The following KMT2A variants were observed in gnomAD, a reference collection of about 807,000 sequenced individuals.
KMT2A encodes the protein histone-lysine N-methyltransferase 2A.
KMT2A carries 16 observed loss-of-function variants against 345.3 expected under a neutral mutation model. The observed-to-expected ratio is 0.05, with a 90% CI of 0.03 to 0.07. The LOEUF (loss-of-function observed/expected upper bound fraction) is 0.07, where lower values mean the gene tolerates loss of function less well. KMT2A is among the 10% of genes least tolerant of loss of function. The probability of loss-of-function intolerance (pLI) is 1.00; values close to 1 mark genes in which losing one functional copy is unlikely to be tolerated. For synonymous variants in KMT2A, 1,599 were observed against 1,778.6 expected, an observed-to-expected ratio of 0.90 and a Z score of 2.54; for missense variants, 3,272 against 4,841.6, an observed-to-expected ratio of 0.68 and a Z score of 9.62.
intron 1 of KMT2A, among the ~76,000 whole-genome samples, chr11:118,445,331 C>T (rs1247691275): frequency 6.6e-6 from 1 of 152,204 alleles, no homozygotes; most frequent in Admixed American, 6.5e-5. Flanking sequence ...CCGAGGAACA[C>T]AGTGCCTCCA....
intron 2 of KMT2A, among the ~76,000 whole-genome samples, chr11:118,470,693 A>G (rs1019014320): frequency 6.6e-6 from 1 of 152,324 alleles, no homozygotes; most frequent in East Asian, 1.9e-4. Flanking sequence ...CATTGTAAAA[A>G]TGTTCATCTC....
chr11:118,469,098 G>A (rs920703646), intron 2 of KMT2A, among the ~76,000 whole-genome samples: 35 of 151,738 alleles, frequency 2.3e-4, no homozygotes, highest in South Asian at 4.2e-4. Context: ...CCACTAACTC[G>A]TCATCTAGCA....
intron 11 of KMT2A, 43 bp downstream of exon 11, chr11:118,488,803 A>G (rs1555041678): frequency 6.3e-7 from 1 of 1,598,386 alleles, no homozygotes. Flanking sequence ...CCTCTGTATC[A>G]GTGGGTTCTG....
rs1349136472 is a variant in KMT2A at position 118,525,622 on chromosome 11, G to GA, written c.*3459dup. 307 of 218,192 alleles carry GA rather than the reference G, an allele frequency of 1.4e-3. 1 individual carries two copies. Among genetic ancestry groups the GA allele is most frequent in the Middle Eastern group, 5.6e-3 (4 of 714 alleles). 13.5% of individuals were successfully genotyped at this position (218,192 alleles called of 1,614,324 possible). ...AAAAAATAAAAAATAAAAAAAAAAGGAAAAAAAAATACAACACACACACAA... is the reference window on the plus strand; with the variant it reads ...AAAAAATAAAAAATAAAAAAAAAAGGAAAAAAAAAATACAACACACACACAA... On this transcript the variant is annotated 3_prime_UTR_variant, in exon 36 of 36. Coordinates refer to ENST00000534358, the MANE Select transcript of KMT2A (RefSeq NM_001197104.2).
At position 118,490,510 on chromosome 11, in the gene KMT2A, A is replaced by T. The variant is rs1405854847; in HGVS notation, c.4696+261A>T. Among the ~76,000 whole-genome samples, 2 of 152,090 alleles carry T rather than the reference A, an allele frequency of 1.3e-5. No individual in the cohort carries two copies. On this transcript the variant is annotated intron_variant, in intron 13 of 35. Transcript: ENST00000534358. This position sits in a 1 kb window ranked among gnomAD's most constrained non-coding sequence, Gnocchi z 4.2. ...TAGTATTTCCCAAAGTGTGATATAT[A>T]TATTATATATTTGATTATTTCAGAC...
At chr11:118,455,048 G>C (rs1949615434) in intron 1 of KMT2A, among the ~76,000 whole-genome samples, 1 of 151,920 alleles carries the variant, frequency 6.6e-6, no homozygotes, top group Non-Finnish European at 1.5e-5. Context: ...TCTTCTTAGA[G>C]ACAGGGTTTC....
chr11:118,465,333 C>G (rs1306343329), intron 1 of KMT2A, among the ~76,000 whole-genome samples: 1 of 152,134 alleles, frequency 6.6e-6, no homozygotes, highest in Non-Finnish European at 1.5e-5. Context: ...CCCACGACCC[C>G]CAGTTCTTTA....
At position 118,469,803 on chromosome 11, in the gene KMT2A, G is replaced by A. The variant is rs542897156; in HGVS notation, c.502+959G>A. Among the ~76,000 whole-genome samples, 19 of 152,358 alleles carry A rather than the reference G, an allele frequency of 1.2e-4. No individual in the cohort carries two copies. In the East Asian group the frequency reaches 3.5e-3, roughly 28 times the overall value. Reference sequence around the variant, plus strand: ...GCTAGCATTAGGGTCTCACTTAAGAGTCATCATATATTATCATCTAATTCA... The same window carrying A: ...GCTAGCATTAGGGTCTCACTTAAGAATCATCATATATTATCATCTAATTCA... On this transcript the variant is annotated intron_variant, in intron 2 of 35. Transcript: ENST00000534358.
chr11:118,453,073 C>T (rs1949573095), intron 1 of KMT2A, among the ~76,000 whole-genome samples: 1 of 152,150 alleles, frequency 6.6e-6, no homozygotes, highest in Non-Finnish European at 1.5e-5. Flanking sequence ...AGATTGGTCC[C>T]ATCACCATAT....
At position 118,473,126 on chromosome 11, in the gene KMT2A, T is replaced by G; in HGVS notation, c.1967T>G (p.Leu656Arg). 1 of 1,614,186 alleles carries G rather than the reference T, an allele frequency of 6.2e-7. No individual in the cohort carries two copies. The highest frequency in any genetic ancestry group is 8.5e-7 in the Non-Finnish European group (1 of 1,180,030). ...TTTGATAATTTCCGACCCCCTCCAC[T>G]AACTCCCGAGGACGTTGGCTTTGCA... ...PIFDNFRPPPLTPEDVGFASG... is the reference protein window; with the variant it reads ...PIFDNFRPPPRTPEDVGFASG... The change falls in exon 3 of 36, where the codon CTA becomes CGA. Residue 656 changes from leucine to arginine, a missense_variant. This residue lies in a region of KMT2A where 114 missense variants were observed against 203.2 expected (regional missense o/e 0.56). Transcript: ENST00000534358. This position sits in a 1 kb window ranked among gnomAD's most constrained non-coding sequence, Gnocchi z 5.2.
At position 118,498,316 on chromosome 11, in the gene KMT2A, C is replaced by T. The variant is rs1053930190; in HGVS notation, c.5803-54C>T. On this transcript the variant is annotated intron_variant, in intron 21 of 35. Coordinates refer to ENST00000534358, the MANE Select transcript of KMT2A (RefSeq NM_001197104.2). This position sits in a 1 kb window ranked among gnomAD's most constrained non-coding sequence, Gnocchi z 4.4. ...ATGAGTCTATAGAGGAGACGGTAAACGTCTTAAAACATATGAAAGTCTGAA... is the reference window on the plus strand; with the variant it reads ...ATGAGTCTATAGAGGAGACGGTAAATGTCTTAAAACATATGAAAGTCTGAA... 1.2e-5 allele frequency: 19 copies of T among 1,520,744 alleles called. No individual in the cohort carries two copies. Among genetic ancestry groups the T allele is most frequent in the Middle Eastern group, 1.7e-4 (1 of 5,764 alleles). 94.2% of individuals were successfully genotyped at this position (1,520,744 alleles called of 1,614,324 possible).
chr11:118,504,870 C>T lies in KMT2A; in HGVS notation c.8978C>T (p.Thr2993Ile). The T allele has an allele frequency of 6.2e-7, 1 of 1,614,174 alleles. No individual in the cohort carries two copies. The highest frequency in any genetic ancestry group is 8.5e-7 in the Non-Finnish European group (1 of 1,180,016). ...GVDPTPEGHM[T>I]PDHFIQGHMD... ...GATCCAACTCCTGAAGGCCACATGA[C>T]TCCTGATCATTTTATCCAAGGACAC... Residue 2993 changes from threonine (T) to isoleucine (I), a missense_variant, in exon 27 of 36, where the codon ACT (threonine) becomes ATT (isoleucine). Around this residue, in one of 27 missense-constraint regions of KMT2A, gnomAD observed 748 missense variants for 922.2 expected, o/e 0.81. Coordinates refer to ENST00000534358, the MANE Select transcript of KMT2A (RefSeq NM_001197104.2). The surrounding 1 kb of genome is among the most constrained non-coding windows in gnomAD (Gnocchi z 6.4).
chr11:118,500,952 C>T (rs781956004), intron 24 of KMT2A, 35 bp from the exon 25 acceptor site: 1 of 1,577,042 alleles, frequency 6.3e-7, no homozygotes, highest in East Asian at 2.3e-5. Flanking sequence ...TCTATCCTCT[C>T]CCTTATGATG....
intron 31 of KMT2A, chr11:118,519,268 G>GA (rs1165859239): frequency 1.0e-5 from 2 of 191,968 alleles, no homozygotes; most frequent in African/African-American, 4.6e-5. Flanking sequence ...TTGCTCACCT[G>GA]AAAATGAAGC....
chr11:118,521,063 T>C lies in KMT2A; in HGVS notation c.11513+178T>C, dbSNP rs1309610839. On this transcript the variant is annotated intron_variant, in intron 34 of 35. Transcript: ENST00000534358. This position sits in a 1 kb window ranked among gnomAD's most constrained non-coding sequence, Gnocchi z 5.3. Reference sequence around the variant, plus strand: ...CTTGTGTTGAACAAGGACTTTAACATAATAAGCATTAAAATATTACTGCTT... The same window carrying C: ...CTTGTGTTGAACAAGGACTTTAACACAATAAGCATTAAAATATTACTGCTT... 8 of 649,698 alleles carry C rather than the reference T, an allele frequency of 1.2e-5. No individual in the cohort carries two copies. Among genetic ancestry groups the C allele is most frequent in the Non-Finnish European group, 1.9e-5 (7 of 367,604 alleles). 40.2% of individuals were successfully genotyped at this position (649,698 alleles called of 1,614,324 possible).
chr11:118,507,568 C>T lies in KMT2A; in HGVS notation c.10794C>T (p.Ser3598=), dbSNP rs1418719123. ...AGGCTGAGCAGCAGGATACAGCTAG[C>T]GTGGAGCAGTCCTCCCAGAAGGAGT... is the stretch of plus-strand genomic sequence containing the variant. ...GAEAEQQDTA[S]VEQSSQKECG... is the part of the protein sequence containing the mutation. Residue 3598 remains serine (S), a synonymous_variant, in exon 28 of 36, where the codon AGC becomes AGT. Transcript: ENST00000534358. 11 of 1,614,102 alleles carry T rather than the reference C, an allele frequency of 6.8e-6. No individual in the cohort carries two copies. Among genetic ancestry groups the T allele is most frequent in the Non-Finnish European group, 9.3e-6 (11 of 1,179,972 alleles).
intron 1 of KMT2A, among the ~76,000 whole-genome samples, chr11:118,456,810 G>A (rs1437117177): frequency 6.6e-6 from 1 of 152,038 alleles, no homozygotes; most frequent in Non-Finnish European, 1.5e-5. Flanking sequence ...TTTAGACAAC[G>A]TGGATAAACA....
intron 31 of KMT2A, among the ~76,000 whole-genome samples, chr11:118,514,912 C>T (rs1057161885): frequency 1.3e-5 from 2 of 152,290 alleles, no homozygotes; most frequent in Middle Eastern, 3.4e-3. Context: ...GGATTACAGG[C>T]GTGAGCCACC....
Position 118,526,588 on chromosome 11 carries a change from A to G in KMT2A, c.*4416A>G, listed in dbSNP as rs183985126. The stretch of plus-strand genomic sequence containing the variant: ...AAGCTTCTGGTTAGAGAAAAAGAGA[A>G]AAAAAAAAAAGGAAAATGTGTCTAA... On this transcript the variant is annotated 3_prime_UTR_variant, in exon 36 of 36. Coordinates refer to ENST00000534358, the MANE Select transcript of KMT2A (RefSeq NM_001197104.2). 1.5e-4 allele frequency: 33 copies of G among 221,970 alleles called. No individual in the cohort carries two copies. Among genetic ancestry groups the G allele is most frequent in the Admixed American group, 5.8e-4 (10 of 17,242 alleles). The allele number at this position is 221,970 out of a possible 1,614,324, so 13.8% of individuals were successfully genotyped here. A position where few individuals can be genotyped will look rare whatever the true frequency, so the allele number is the denominator to read the frequency against.
Sources: allele counts gnomAD v4.1 joint callset (sites outside exome capture counted in the v4.1 genomes callset), GRCh38; gene constraint gnomAD v4.1.1; regional missense constraint gnomAD v4.1.1; non-coding constraint Gnocchi (gnomAD v3.1); transcripts MANE v1.5; gene names NCBI Gene and HGNC (gene_info 2026-07-23, HGNC 2026-07-21).